Variants in RNFT2 observed in about 807,000 individuals in gnomAD.
RNFT2 encodes ring finger protein, transmembrane 2, also known as E3 ubiquitin-protein ligase RNFT2.
In RNFT2, 36 loss-of-function variants were observed where a neutral mutation model predicts 53.0. The observed-to-expected ratio is 0.68, with a 90% confidence interval of 0.52 to 0.90. The LOEUF (loss-of-function observed/expected upper bound fraction) is 0.90. Ranked by LOEUF, RNFT2 falls within the 40% of genes least tolerant of loss-of-function variation. The pLI, the probability that RNFT2 is intolerant of heterozygous loss-of-function variation, is 0.00. For synonymous variants in RNFT2, 260 were observed against 253.2 expected (o/e 1.03, Z -0.26); for missense variants, 514 against 585.6 (o/e 0.88, Z 1.26).
intron 7 of RNFT2, among the ~76,000 whole-genome samples, chr12:116,825,387 G>A (rs1474735854): frequency 1.3e-5 from 2 of 152,168 alleles, no homozygotes; most frequent in African/African-American, 2.4e-5. Flanking sequence ...ATTTGAACCT[G>A]CATTTTCTCA....
chr12:116,771,799 C>G (rs966041586), intron 6 of RNFT2, among the ~76,000 whole-genome samples: 1 of 152,094 alleles, frequency 6.6e-6, no homozygotes, highest in Admixed American at 6.6e-5. Flanking sequence ...ATTACTTAGC[C>G]CCGACTTATC....
At chr12:116,768,516 C>T (rs1873020762) in intron 6 of RNFT2, among the ~76,000 whole-genome samples, 1 of 152,110 alleles carries the variant, frequency 6.6e-6, no homozygotes, top group African/African-American at 2.4e-5. Context: ...AATTCTATTA[C>T]CTAGTGATAT....
At chr12:116,774,831 T>C (rs1337277838) in intron 6 of RNFT2, among the ~76,000 whole-genome samples, 1 of 151,688 alleles carries the variant, frequency 6.6e-6, no homozygotes, top group Non-Finnish European at 1.5e-5. Context: ...CCCAGAACCT[T>C]GGATGAATTT....
At chr12:116,743,113 ATG>A (rs1871694628) in intron 3 of RNFT2, among the ~76,000 whole-genome samples, 1 of 146,982 alleles carries the variant, frequency 6.8e-6, no homozygotes. Context: ...AAAAGGTTAA[ATG>A]AAGCAGTGGT....
chr12:116,852,265 A>C lies in RNFT2; in HGVS notation c.*2817A>C. On this transcript the variant is annotated 3_prime_UTR_variant, in exon 11 of 11. Coordinates refer to ENST00000257575, the MANE Select transcript of RNFT2 (RefSeq NM_001382266.1). ...CAGATTACCATGCAAGCCCCAGGAG[A>C]AATGGAGGAGCTTTGTAGCCACCTC... 7.9e-7 allele frequency: 1 copy of C among 1,257,952 alleles called. No individual in the cohort carries two copies. The highest frequency in any genetic ancestry group is 3.6e-5 in the East Asian group (1 of 28,108). 77.9% of individuals were successfully genotyped at this position (1,257,952 alleles called of 1,614,324 possible).
chr12:116,791,456 A>G (rs548760469), intron 7 of RNFT2, among the ~76,000 whole-genome samples: 181 of 152,136 alleles, frequency 1.2e-3, no homozygotes, highest in Non-Finnish European at 2.1e-3. Flanking sequence ...GGATTACAGG[A>G]GTGCGCCACC....
chr12:116,773,790 A>T (rs1246116191), intron 6 of RNFT2, among the ~76,000 whole-genome samples: 1 of 152,222 alleles, frequency 6.6e-6, no homozygotes, highest in Non-Finnish European at 1.5e-5. Flanking sequence ...AAATTGACCC[A>T]CAACAAAGTC....
At chr12:116,772,769 A>G (rs796599399) in intron 6 of RNFT2, among the ~76,000 whole-genome samples, 36 of 152,078 alleles carry the variant, frequency 2.4e-4, no homozygotes, top group African/African-American at 7.2e-4. Flanking sequence ...CCATTTTACA[A>G]CTCTTTCATT....
chr12:116,809,329 T>G (rs1437011659), intron 7 of RNFT2, among the ~76,000 whole-genome samples: 1 of 152,188 alleles, frequency 6.6e-6, no homozygotes, highest in African/African-American at 2.4e-5. Context: ...TGAGAAGTGC[T>G]GATGAGAGGA....
In RNFT2 at chr12:116,851,585, C is replaced by A; in HGVS notation, c.*2137C>A. 3.4e-6 allele frequency: 2 copies of A among 591,614 alleles called. No individual in the cohort carries two copies. Among genetic ancestry groups the A allele is most frequent in the South Asian group, 2.1e-5 (1 of 48,502 alleles). 36.6% of individuals were successfully genotyped at this position (591,614 alleles called of 1,614,324 possible). ...AAAACCCCCTCTTTACTAAAAAATA[C>A]AAAAATTAGCCGGGCGCGGTGGCGG... On this transcript the variant is annotated 3_prime_UTR_variant, in exon 11 of 11. Coordinates refer to ENST00000257575, the MANE Select transcript of RNFT2 (RefSeq NM_001382266.1).
Position 116,818,228 on chromosome 12 carries a change from G to C in RNFT2, c.883-15564G>C, listed in dbSNP as rs576771232. On this transcript the variant is annotated intron_variant, in intron 7 of 10. Transcript: ENST00000257575. ...GTCCCAGCTACTCGTGGGGCTGAGAGGGGAGGCTCGCTTGAGCCCAGGAAC... is the reference window on the plus strand; with the variant it reads ...GTCCCAGCTACTCGTGGGGCTGAGACGGGAGGCTCGCTTGAGCCCAGGAAC... 3.3e-5 allele frequency among the ~76,000 whole-genome samples: 5 copies of C among 152,186 alleles called. No individual in the cohort carries two copies. The East Asian group carries it at 7.7e-4, about 24-fold the overall frequency.
At chr12:116,825,743 A>G (rs931609617) in intron 7 of RNFT2, among the ~76,000 whole-genome samples, 5 of 152,142 alleles carry the variant, frequency 3.3e-5, no homozygotes, top group Admixed American at 1.3e-4. Context: ...ATGCATATCT[A>G]TATGTATGTG....
intron 5 of RNFT2, among the ~76,000 whole-genome samples, chr12:116,760,128 G>A (rs1566072763): frequency 6.6e-6 from 1 of 152,080 alleles, no homozygotes; most frequent in Non-Finnish European, 1.5e-5. Context: ...AGGGAAGTGG[G>A]GGAAAGCTGG....
chr12:116,768,734 C>CT (rs1873030808), intron 6 of RNFT2, among the ~76,000 whole-genome samples: 1 of 148,492 alleles, frequency 6.7e-6, no homozygotes, highest in East Asian at 2.0e-4. Context: ...ATTTTTCTCT[C>CT]TCTTTTTTTT....
At chr12:116,767,015 C>A in intron 6 of RNFT2, 101 bp downstream of exon 6, 1 of 738,818 alleles carries the variant, frequency 1.4e-6, no homozygotes, top group South Asian at 1.7e-5. Flanking sequence ...AGCTCTATGT[C>A]ATGTTGTAAC....
At chr12:116,767,797 C>G (rs980534163) in intron 6 of RNFT2, among the ~76,000 whole-genome samples, 1 of 152,148 alleles carries the variant, frequency 6.6e-6, no homozygotes, top group African/African-American at 2.4e-5. Flanking sequence ...TCAAGCTGGT[C>G]TCAAACTCCT....
intron 7 of RNFT2, among the ~76,000 whole-genome samples, chr12:116,829,308 C>A (rs1046285751): frequency 6.6e-6 from 1 of 152,104 alleles, no homozygotes; most frequent in Non-Finnish European, 1.5e-5. Context: ...ACAAACATGA[C>A]GGCCACCCCC....
chr12:116,753,148 C>CTTTTTTTTTTTTCT (rs1872328828), intron 4 of RNFT2, among the ~76,000 whole-genome samples: 1 of 93,696 alleles, frequency 1.1e-5, no homozygotes, highest in Non-Finnish European at 1.9e-5. Context: ...TTTTCTTTTT[C>CTTTTTTTTTTTTCT]TTTTTTTTTT....
chr12:116,753,964 G>T lies in RNFT2; in HGVS notation c.551-20G>T. On this transcript the variant is annotated intron_variant, in intron 4 of 10. Coordinates refer to ENST00000257575, the MANE Select transcript of RNFT2 (RefSeq NM_001382266.1). ...TGATGAGTCTAAGTGGGTGACATCA[G>T]GCCCTTCTCTGTCCCACAGGCATTG... is the stretch of plus-strand genomic sequence containing the variant. 6.2e-7 allele frequency: 1 copy of T among 1,611,938 alleles called. No homozygotes were observed. Among genetic ancestry groups the T allele is most frequent in the Non-Finnish European group, 8.5e-7 (1 of 1,178,126 alleles).
Sources: gnomAD v4.1 joint callset for allele counts (sites outside exome capture counted in the v4.1 genomes callset) on GRCh38, gnomAD v4.1.1 for gene constraint, MANE v1.5 for transcripts, NCBI Gene and HGNC (gene_info 2026-07-23, HGNC 2026-07-21) for gene names.